The following PAK3 variants were observed in gnomAD, a reference collection of about 807,000 sequenced individuals.
PAK3 encodes p21 (RAC1) activated kinase 3.
PAK3 carries 4 observed loss-of-function variants against 41.0 expected under a neutral mutation model. The observed-to-expected ratio is 0.10, with a 90% CI of 0.05 to 0.22. PAK3 has a LOEUF of 0.22. Ranked by LOEUF, PAK3 falls within the 10% of genes least tolerant of loss-of-function variation. PAK3 has a pLI of 1.00. For missense variants in PAK3, 205 were observed against 409.9 expected, an observed-to-expected ratio of 0.50 and a Z score of 4.32; for synonymous variants, 146 against 139.6, an observed-to-expected ratio of 1.05 and a Z score of -0.32.
At chrX:111,159,839 T>C (rs1032350811) in intron 8 of PAK3, among the ~76,000 whole-genome samples, 6 of 112,242 alleles carry the variant, frequency 5.3e-5, no homozygotes, top group Non-Finnish European at 1.1e-4. Flanking sequence ...CCACTTAGCA[T>C]TTATATCAGG....
chrX:110,980,051 C>T (rs1278107096), intron 1 of PAK3, among the ~76,000 whole-genome samples: 1 of 112,036 alleles, frequency 8.9e-6, no homozygotes, highest in African/African-American at 3.2e-5. Context: ...CACTTGAATT[C>T]CTCCTTAGTG....
intron 1 of PAK3, among the ~76,000 whole-genome samples, chrX:111,053,360 A>T (rs1603026620): frequency 9.0e-6 from 1 of 111,668 alleles, no homozygotes; most frequent in African/African-American, 3.3e-5. Flanking sequence ...CCAGGACACA[A>T]GACTATTTAA....
chrX:111,065,317 G>GTTTTTTTTTTTTTT (rs56710729), intron 1 of PAK3, among the ~76,000 whole-genome samples: 1 of 102,272 alleles, frequency 9.8e-6, no homozygotes, highest in South Asian at 4.5e-4. Flanking sequence ...AGATGATCAC[G>GTTTTTTTTTTTTTT]TTTTTTTTTT....
intron 1 of PAK3, among the ~76,000 whole-genome samples, chrX:111,017,354 G>A (rs112579607): frequency 0.02 from 2,193 of 111,133 alleles, 53 homozygotes; most frequent in African/African-American, 0.068. Context: ...TAGCTAGATC[G>A]ACTAAGCAAA....
intron 4 of PAK3, among the ~76,000 whole-genome samples, chrX:111,113,384 C>A (rs1051203256): frequency 9.0e-6 from 1 of 110,943 alleles, no homozygotes; most frequent in Non-Finnish European, 1.9e-5. Context: ...GACATAATAC[C>A]TAGTATATAT....
Position 111,192,921 on chromosome X carries a change from GTGTT to G in PAK3, c.992+307_992+310del, listed in dbSNP as rs753393388. ...AGTAGTGGTTTAAACATTACATCAA[GTGTT>G]TGTCTGGAGCCAGTACAATTTCTGG... On this transcript the variant is annotated intron_variant, in intron 13 of 17. Transcript: ENST00000372007. 2.7e-5 allele frequency among the ~76,000 whole-genome samples: 3 copies of G among 111,979 alleles called. No individual in the cohort carries two copies. In the South Asian group the frequency reaches 1.1e-3, roughly 42 times the overall value.
chrX:111,183,194 A>G (rs547422554), intron 11 of PAK3, among the ~76,000 whole-genome samples: 4 of 111,733 alleles, frequency 3.6e-5, no homozygotes, highest in African/African-American at 1.3e-4. Flanking sequence ...TCTTTGTTTC[A>G]ATGTCCTCAT....
intron 5 of PAK3, among the ~76,000 whole-genome samples, chrX:111,134,650 T>G (rs573769471): frequency 9.0e-6 from 1 of 111,253 alleles, no homozygotes; most frequent in Non-Finnish European, 1.9e-5. Context: ...AAGTGTAATA[T>G]GTAGGAGTGA....
At position 111,152,441 on chromosome X, in the gene PAK3, T is replaced by C; in HGVS notation, c.462T>C (p.His154=). The C allele has an allele frequency of 8.6e-7, 1 of 1,169,444 alleles. No individual in the cohort carries two copies. The highest frequency in any genetic ancestry group is 1.2e-6 in the Non-Finnish European group (1 of 857,336). ...DKSAHGYIAA[H]PSSTKTASEP... ...GTGCACATGGATACATAGCAGCCCA[T>C]CCTTCGGTAAGTGAAAAATTGAAAA... Residue 154 remains histidine, a synonymous_variant, in exon 8 of 18, where the codon CAT becomes CAC. Coordinates refer to ENST00000372007, the MANE Select transcript of PAK3 (RefSeq NM_002578.5).
chrX:111,110,488 TTATC>T (rs1013749615), intron 4 of PAK3, among the ~76,000 whole-genome samples: 2 of 112,207 alleles, frequency 1.8e-5, no homozygotes, highest in African/African-American at 6.5e-5. Flanking sequence ...GAGCTACAGT[TTATC>T]TACAAATCGA....
chrX:110,974,502 T>C (rs746822585), intron 1 of PAK3, among the ~76,000 whole-genome samples: 1 of 111,582 alleles, frequency 9.0e-6, no homozygotes, highest in East Asian at 2.8e-4. Context: ...CAGGACCAGA[T>C]GGATTTACAG....
chrX:111,196,330 G>A (rs989817091), intron 15 of PAK3, 114 bp from the exon 16 acceptor site: 1 of 593,815 alleles, frequency 1.7e-6, no homozygotes. Context: ...GTATGAGCTA[G>A]GCAGTTGTGG....
In PAK3 at chrX:111,118,176, C is replaced by A. The variant is rs761946324; in HGVS notation, c.-27-4901C>A. On this transcript the variant is annotated intron_variant, in intron 4 of 17. Transcript: ENST00000372007. ...TTTGTGGAAGGCTAGATGATTTTTT[C>A]TTTTTTTGGCAGTTAAAAATGTTCA... 2.7e-5 allele frequency among the ~76,000 whole-genome samples: 3 copies of A among 111,817 alleles called. No homozygotes were observed. In the East Asian group the frequency reaches 8.4e-4, roughly 31 times the overall value.
chrX:111,200,454 A>T (rs890976115), intron 16 of PAK3, among the ~76,000 whole-genome samples: 1 of 111,892 alleles, frequency 8.9e-6, no homozygotes, highest in African/African-American at 3.2e-5. Flanking sequence ...CTCTGATCTC[A>T]TGCAACAATC....
chrX:110,946,981 T>G (rs1277170178), intron 1 of PAK3, among the ~76,000 whole-genome samples: 1 of 112,068 alleles, frequency 8.9e-6, no homozygotes, highest in Non-Finnish European at 1.9e-5. Context: ...GCTCGTGCAA[T>G]TAAGCCAGAA....
intron 1 of PAK3, among the ~76,000 whole-genome samples, chrX:111,000,786 G>A (rs1326965273): frequency 1.8e-5 from 2 of 112,101 alleles, no homozygotes; most frequent in African/African-American, 6.5e-5. Flanking sequence ...ATTAAAACTA[G>A]CCCTGCCCTC....
intron 15 of PAK3, 80 bp from the exon 16 acceptor site, chrX:111,196,364 G>A: frequency 2.6e-6 from 2 of 767,368 alleles, no homozygotes; most frequent in Non-Finnish European, 4.0e-6. Context: ...AGCAAAGGAA[G>A]GTACAGCCAT....
chrX:111,135,677 T>C (rs1253926304), intron 5 of PAK3, among the ~76,000 whole-genome samples: 1 of 111,655 alleles, frequency 9.0e-6, no homozygotes, highest in Non-Finnish European at 1.9e-5. Flanking sequence ...AATGTCAGTT[T>C]TGACTGAGAG....
At chrX:111,094,022 G>T (rs192376132), upstream of PAK3, among the ~76,000 whole-genome samples, 1 of 110,549 alleles carries the variant, frequency 9.0e-6, no homozygotes, top group African/African-American at 3.3e-5. Context: ...ATTTTGATTT[G>T]TGATTTTTTT....
Sources: allele counts gnomAD v4.1 joint callset (sites outside exome capture counted in the v4.1 genomes callset), GRCh38; gene constraint gnomAD v4.1.1; transcripts MANE v1.5; gene names NCBI Gene and HGNC (gene_info 2026-07-23, HGNC 2026-07-21).